PCDHGA2: variants seen among roughly 807,000 people sequenced by gnomAD.
PCDHGA2 encodes protocadherin gamma-A2.
Under a neutral mutation model 59.2 loss-of-function variants are expected in PCDHGA2, and 40 were observed. That is an observed-to-expected ratio of 0.68 (90% confidence interval 0.52 to 0.88). The LOEUF is 0.88. Among genes scored for constraint, PCDHGA2 ranks in the 40% least tolerant of loss-of-function variants. The probability of loss-of-function intolerance (pLI) is 0.00; values close to 1 mark genes in which losing one functional copy is unlikely to be tolerated. For missense variants in PCDHGA2, 1,226 were observed against 1,204.0 expected, an observed-to-expected ratio of 1.02 and a Z score of -0.27; for synonymous variants, 560 against 526.0, an observed-to-expected ratio of 1.06 and a Z score of -0.89.
rs375953505 is a variant in PCDHGA2 at position 141,352,222 on chromosome 5, C to T, written c.2424+10827C>T. 3.1e-6 allele frequency: 5 copies of T among 1,614,090 alleles called. No individual in the cohort carries two copies. The East Asian group carries it at 1.1e-4, about 36-fold the overall frequency. On this transcript the variant is annotated intron_variant, in intron 1 of 3. Coordinates refer to ENST00000394576, the MANE Select transcript of PCDHGA2 (RefSeq NM_018915.4). ...GACAGCCGCCACTCTCCGCCACCGC[C>T]ACGCTGCACCTAATCTTCGCGGATA...
At chr5:141,375,942 G>T in intron 1 of PCDHGA2, 4 of 1,613,518 alleles carry the variant, frequency 2.5e-6, no homozygotes, top group Non-Finnish European at 2.5e-6. Flanking sequence ...TTCTCAGTGG[G>T]CCTGCACACG....
In PCDHGA2 at chr5:141,489,662, G is replaced by C; in HGVS notation, c.2425-5145G>C. 8.1e-6 allele frequency: 13 copies of C among 1,614,144 alleles called. No individual in the cohort carries two copies. The highest frequency in any genetic ancestry group is 1.1e-5 in the Non-Finnish European group (13 of 1,180,010). On this transcript the variant is annotated intron_variant, in intron 1 of 3. Coordinates refer to ENST00000394576, the MANE Select transcript of PCDHGA2 (RefSeq NM_018915.4). This position sits in a 1 kb window ranked among gnomAD's most constrained non-coding sequence, Gnocchi z 4.5. The stretch of plus-strand genomic sequence containing the variant: ...TTTGCCACCCCTGAGCGAGAGATGC[G>C]CATCTCAGAATCAGCAGCATCTGGG...
chr5:141,371,512 A>C, intron 1 of PCDHGA2: 2 of 1,613,868 alleles, frequency 1.2e-6, no homozygotes, highest in African/African-American at 2.7e-5. Flanking sequence ...AAAACACATG[A>C]TCTAGATTCT....
At position 141,339,122 on chromosome 5, in the gene PCDHGA2, G is replaced by A; in HGVS notation, c.151G>A (p.Asp51Asn). ...CTCCTTCGTAGGCAACATCGCCAAG[G>A]ACTTGGGTTTGGAGCCCCTGGCACT... ...RGSFVGNIAK[D>N]LGLEPLALAE... The change falls in exon 1 of 4, where the codon GAC (aspartate) becomes AAC (asparagine). Residue 51 changes from aspartate (D) to asparagine (N), a missense_variant. Physicochemically the swap from Asp to Asn is conservative, Grantham distance 23. Transcript: ENST00000394576. 1 of 1,614,260 alleles carries A rather than the reference G, an allele frequency of 6.2e-7. No individual in the cohort carries two copies. The highest frequency in any genetic ancestry group is 8.5e-7 in the Non-Finnish European group (1 of 1,180,046).
chr5:141,419,638 C>G, intron 1 of PCDHGA2: 1 of 1,612,456 alleles, frequency 6.2e-7, no homozygotes, highest in Non-Finnish European at 8.5e-7. Context: ...AGGTGGTGGC[C>G]GTGGACGCGG....
chr5:141,422,061 A>G (rs1215523341), intron 1 of PCDHGA2: 3 of 1,612,074 alleles, frequency 1.9e-6, no homozygotes, highest in Non-Finnish European at 2.5e-6. Flanking sequence ...ACGGGGAAGT[A>G]ATGTATTCAT....
At chr5:141,510,335 AC>A (rs1247622083) in intron 3 of PCDHGA2, among the ~76,000 whole-genome samples, 1 of 149,138 alleles carries the variant, frequency 6.7e-6, no homozygotes, top group African/African-American at 2.5e-5. Context: ...CTTCACCCCC[AC>A]CCCACACACT....
chr5:141,490,279 G>A lies in PCDHGA2; in HGVS notation c.2425-4528G>A, dbSNP rs1344083401. The A allele has an allele frequency of 5.6e-6, 9 of 1,614,228 alleles. No individual in the cohort carries two copies. In the East Asian group the frequency reaches 1.8e-4, roughly 32 times the overall value. On this transcript the variant is annotated intron_variant, in intron 1 of 3. Coordinates refer to ENST00000394576, the MANE Select transcript of PCDHGA2 (RefSeq NM_018915.4). This position sits in a 1 kb window ranked among gnomAD's most constrained non-coding sequence, Gnocchi z 5.4. ...GGATGTGGGGGATGTCAATGACAAT[G>A]CCCCAGAGGTGCTATTGGCCTCTTT...
In PCDHGA2 at chr5:141,341,006, G is replaced by A. The variant is rs775486996; in HGVS notation, c.2035G>A (p.Glu679Lys). The change falls in exon 1 of 4, where the codon GAG (glutamate) becomes AAG (lysine). Residue 679 changes from glutamate to lysine, a missense_variant. Coordinates refer to ENST00000394576, the MANE Select transcript of PCDHGA2 (RefSeq NM_018915.4). ...CATCCTGGCCGACCTGGGCAGCCTC[G>A]AGCCCTCCGCCATACCCAACGATTC... ...PDILADLGSLEPSAIPNDSDL... is the reference protein window; with the variant it reads ...PDILADLGSLKPSAIPNDSDL... The A allele has an allele frequency of 4.3e-6, 7 of 1,614,014 alleles. No homozygotes were observed. Among genetic ancestry groups the A allele is most frequent in the Non-Finnish European group, 5.1e-6 (6 of 1,180,016 alleles).
At chr5:141,438,063 A>G (rs540817874) in intron 1 of PCDHGA2, among the ~76,000 whole-genome samples, 11 of 152,224 alleles carry the variant, frequency 7.2e-5, no homozygotes, top group Non-Finnish European at 1.5e-4. Context: ...CTTTTAAGAA[A>G]CCATACTTAA....
At chr5:141,364,262 C>A (rs899975548) in intron 1 of PCDHGA2, 3 of 1,504,192 alleles carry the variant, frequency 2.0e-6, no homozygotes, top group Non-Finnish European at 2.7e-6. Context: ...ATGTACCCAT[C>A]GGCTTTAGAT....
chr5:141,383,633 C>T (rs1298423457), intron 1 of PCDHGA2: 1 of 1,613,966 alleles, frequency 6.2e-7, no homozygotes. Context: ...TTCTCTCTGC[C>T]TCAGTACCAA....
intron 1 of PCDHGA2, among the ~76,000 whole-genome samples, chr5:141,492,118 TC>T (rs1338861093): frequency 6.6e-6 from 1 of 152,176 alleles, no homozygotes; most frequent in Non-Finnish European, 1.5e-5. Flanking sequence ...CTTCGATTTC[TC>T]CCCAGCTCCC....
intron 1 of PCDHGA2, chr5:141,419,935 G>T: frequency 6.2e-7 from 1 of 1,614,070 alleles, no homozygotes; most frequent in Non-Finnish European, 8.5e-7. Flanking sequence ...AGTTTTACCT[G>T]GTGGTGGCCT....
In PCDHGA2 at chr5:141,511,829, G is replaced by A. The variant is rs1181369164; in HGVS notation, c.*656G>A. 1 of 156,774 alleles carries A rather than the reference G, an allele frequency of 6.4e-6. No individual in the cohort carries two copies. Among genetic ancestry groups the A allele is most frequent in the Non-Finnish European group, 1.4e-5 (1 of 70,652 alleles). The allele number at this position is 156,774 out of a possible 1,614,324, so 9.7% of individuals were successfully genotyped here. Reference sequence around the variant, plus strand: ...TACCAAGCCTCTTCCCAACGCCCTGGGGACCAGTCTTCTGTTTTGTTTTTC... The same window carrying A: ...TACCAAGCCTCTTCCCAACGCCCTGAGGACCAGTCTTCTGTTTTGTTTTTC... On this transcript the variant is annotated 3_prime_UTR_variant, in exon 4 of 4. Transcript: ENST00000394576.
chr5:141,372,827 T>C (rs1457588912), intron 1 of PCDHGA2: 7 of 1,550,888 alleles, frequency 4.5e-6, no homozygotes, highest in Non-Finnish European at 6.1e-6. Flanking sequence ...TCTTCAAACC[T>C]TTCCTTCCAT....
intron 1 of PCDHGA2, among the ~76,000 whole-genome samples, chr5:141,461,054 T>C (rs984461416): frequency 6.6e-6 from 1 of 151,758 alleles, no homozygotes; most frequent in African/African-American, 2.4e-5. Context: ...GGGACTTAGG[T>C]TGGTTTCACA....
chr5:141,479,109 A>G (rs925202951), intron 1 of PCDHGA2, among the ~76,000 whole-genome samples: 4 of 152,234 alleles, frequency 2.6e-5, no homozygotes, highest in Admixed American at 2.6e-4. Context: ...TATTTCAAGC[A>G]TTCTACTGGA....
rs752145084 is a variant in PCDHGA2 at position 141,489,550 on chromosome 5, C to T, written c.2425-5257C>T. On this transcript the variant is annotated intron_variant, in intron 1 of 3. Coordinates refer to ENST00000394576, the MANE Select transcript of PCDHGA2 (RefSeq NM_018915.4). This position sits in a 1 kb window ranked among gnomAD's most constrained non-coding sequence, Gnocchi z 4.5. ...ATGTGGAGCCAGCACCAGCTGCCTGCTGCCAGTGCAGGTGGTGACTGAACA... is the reference window on the plus strand; with the variant it reads ...ATGTGGAGCCAGCACCAGCTGCCTGTTGCCAGTGCAGGTGGTGACTGAACA... The T allele has an allele frequency of 1.2e-6, 2 of 1,614,132 alleles. No homozygotes were observed. The highest frequency in any genetic ancestry group is 1.7e-5 in the Admixed American group (1 of 60,030).
Sources: gnomAD v4.1 joint callset for allele counts (sites outside exome capture counted in the v4.1 genomes callset) on GRCh38, gnomAD v4.1.1 for gene constraint, Gnocchi (gnomAD v3.1) non-coding constraint, MANE v1.5 for transcripts, NCBI Gene and HGNC (gene_info 2026-07-23, HGNC 2026-07-21) for gene names.